Variants in OTOG observed in about 807,000 individuals in gnomAD.
OTOG encodes otogelin.
In OTOG, 296 loss-of-function variants were observed where a neutral mutation model predicts 313.8. The observed-to-expected ratio is 0.94, with a 90% CI of 0.86 to 1.04. The LOEUF (loss-of-function observed/expected upper bound fraction) is 1.04, where lower values mean the gene tolerates loss of function less well. OTOG is among the 50% of genes least tolerant of loss of function. The probability of loss-of-function intolerance (pLI) is 0.00; values close to 1 mark genes in which losing one functional copy is unlikely to be tolerated. For missense variants in OTOG, 3,948 were observed against 3,840.1 expected, an observed-to-expected ratio of 1.03 and a Z score of -0.74; for synonymous variants, 1,533 against 1,554.9, an observed-to-expected ratio of 0.99 and a Z score of 0.33.
Position 17,573,213 on chromosome 11 carries a change from C to T in OTOG, c.2216C>T (p.Ala739Val). The part of the protein sequence containing the change: ...ACRCGQPCLC[A>V]TLAHYAHLCR... ...CGCTGCGGGCAGCCCTGCCTGTGCG[C>T]CACACTGGCCCACTACGCCCACCTG... Residue 739 changes from alanine (A) to valine (V), a missense_variant, in exon 19 of 56, where the codon GCC (alanine) becomes GTC (valine). Transcript: ENST00000399397. The T allele has an allele frequency of 6.5e-7, 1 of 1,537,184 alleles. No individual in the cohort carries two copies. The highest frequency in any genetic ancestry group is 8.7e-7 in the Non-Finnish European group (1 of 1,146,442).
chr11:17,635,235 C>T (rs908143476), intron 46 of OTOG, 48 bp downstream of exon 46: 52 of 1,448,044 alleles, frequency 3.6e-5, no homozygotes, highest in South Asian at 2.0e-4. Flanking sequence ...GATCACAGTC[C>T]GCCGGCCTCA....
chr11:17,554,125 G>A (rs1394163925), intron 6 of OTOG, among the ~76,000 whole-genome samples: 9 of 152,122 alleles, frequency 5.9e-5, no homozygotes, highest in Non-Finnish European at 8.8e-5. Flanking sequence ...AGAGACTAGG[G>A]CCTCAGAGAA....
chr11:17,645,467 C>T, intron 54 of OTOG, 97 bp from the exon 55 acceptor site: 1 of 1,140,326 alleles, frequency 8.8e-7, no homozygotes, highest in Non-Finnish European at 1.3e-6. Flanking sequence ...GAAGAGAGAC[C>T]CTCCAGCATG....
chr11:17,624,614 T>G (rs1344147471), intron 39 of OTOG, among the ~76,000 whole-genome samples: 2 of 152,224 alleles, frequency 1.3e-5, no homozygotes, highest in Non-Finnish European at 2.9e-5. Flanking sequence ...TCTTTTTGCT[T>G]AGGATTGCCT....
chr11:17,614,251 A>C (rs1458114417), intron 39 of OTOG, among the ~76,000 whole-genome samples: 1 of 151,558 alleles, frequency 6.6e-6, no homozygotes, highest in Non-Finnish European at 1.5e-5. Context: ...CAAAGTTGTG[A>C]GTCTGCCCCC....
intron 28 of OTOG, among the ~76,000 whole-genome samples, chr11:17,594,808 T>A (rs902776251): frequency 1.3e-5 from 2 of 151,480 alleles, no homozygotes; most frequent in African/African-American, 2.4e-5. Flanking sequence ...CTTGAGTAAG[T>A]CCCATTCCTC....
At chr11:17,613,782 G>T in intron 39 of OTOG, 81 bp downstream of exon 39, 1 of 1,200,430 alleles carries the variant, frequency 8.3e-7, no homozygotes, top group Non-Finnish European at 1.2e-6. Flanking sequence ...GAGGGGCTGT[G>T]AGGCTGAATC....
chr11:17,613,195 T>TTTCTTTCTTTCTTTCTTTCCTTTC (rs1401646180), intron 38 of OTOG, among the ~76,000 whole-genome samples: 1 of 65,328 alleles, frequency 1.5e-5, no homozygotes, highest in Non-Finnish European at 2.9e-5. Context: ...TCTTTCTTTC[T>TTTCTTTCTTTCTTTCTTTCCTTTC]TTTCTTTCTT....
intron 17 of OTOG, among the ~76,000 whole-genome samples, chr11:17,571,288 A>G (rs1038965200): frequency 2.6e-5 from 4 of 152,220 alleles, no homozygotes; most frequent in Admixed American, 1.3e-4. Flanking sequence ...GCTGTTTGCC[A>G]CTTTCCTAAA....
chr11:17,637,548 G>A (rs1252376917), intron 47 of OTOG, among the ~76,000 whole-genome samples: 1 of 152,090 alleles, frequency 6.6e-6, no homozygotes, highest in Non-Finnish European at 1.5e-5. Flanking sequence ...TTCCATCTAA[G>A]GATTGATGGG....
chr11:17,572,330 A>G, intron 18 of OTOG, 126 bp downstream of exon 18: 1 of 1,323,558 alleles, frequency 7.6e-7, no homozygotes, highest in South Asian at 1.5e-5. Flanking sequence ...TAAGAGAAGG[A>G]GGAGCAGCAG....
chr11:17,635,659 G>T lies in OTOG; in HGVS notation c.7743G>T (p.Ala2581=), dbSNP rs373251303. ...DSIPECQEGE[A]LTVHRNTTEL... is the part of the protein sequence containing the mutation. ...TCCCCGAATGTCAAGAAGGGGAGGC[G>T]CTCACTGTGCACAGGAATACCACGG... The change falls in exon 47 of 56, where the codon GCG becomes GCT. Residue 2581 remains alanine, a synonymous_variant. Transcript: ENST00000399397. The T allele has an allele frequency of 9.0e-6, 14 of 1,550,404 alleles. No individual in the cohort carries two copies. The East Asian group carries it at 3.2e-4, about 35-fold the overall frequency.
chr11:17,632,315 T>G, intron 42 of OTOG, 89 bp downstream of exon 42: 1 of 1,360,786 alleles, frequency 7.3e-7, no homozygotes, highest in Non-Finnish European at 9.8e-7. Context: ...CCCAAGTTCA[T>G]GTATGCTTTC....
At chr11:17,641,805 A>T in intron 51 of OTOG, 42 bp from the exon 52 acceptor site, 1 of 1,379,170 alleles carries the variant, frequency 7.3e-7, no homozygotes, top group Non-Finnish European at 1.0e-6. Context: ...GCCAGGGTGG[A>T]GGTGGGCATC....
At position 17,565,785 on chromosome 11, in the gene OTOG, C is replaced by A. The variant is rs567946467; in HGVS notation, c.1645-3371C>A. 1.4e-4 allele frequency among the ~76,000 whole-genome samples: 21 copies of A among 152,252 alleles called. No homozygotes were observed. The South Asian group carries it at 4.4e-3, about 32-fold the overall frequency. ...GATCATACAGTTGACTCCTGTGTCC[C>A]TTTGACATACCTTCATTATTGCGTG... On this transcript the variant is annotated intron_variant, in intron 15 of 55. Coordinates refer to ENST00000399397, the MANE Select transcript of OTOG (RefSeq NM_001292063.2).
At chr11:17,547,827 T>C (rs1851842105) in intron 1 of OTOG, 100 bp from the exon 2 acceptor site, 2 of 444,420 alleles carry the variant, frequency 4.5e-6, no homozygotes, top group Non-Finnish European at 7.9e-6. Context: ...GGGGGAATGC[T>C]CAGTGGCGTG....
chr11:17,560,804 G>A lies in OTOG; in HGVS notation c.1438G>A (p.Asp480Asn). 3.2e-6 allele frequency: 5 copies of A among 1,550,506 alleles called. No individual in the cohort carries two copies. Among genetic ancestry groups the A allele is most frequent in the Non-Finnish European group, 2.6e-6 (3 of 1,146,676 alleles). ...LYPPGSVVKE[D>N]CNTCTCTSGK... is the part of the protein sequence containing the mutation. The stretch of plus-strand genomic sequence containing the variant: ...CCCACCTGGCTCTGTGGTGAAGGAA[G>A]ACTGCAATACTTGGTCTGTGTCTGC... Residue 480 changes from aspartate (D) to asparagine (N), a missense_variant, in exon 13 of 56, where the codon GAC becomes AAC. Coordinates refer to ENST00000399397, the MANE Select transcript of OTOG (RefSeq NM_001292063.2).
chr11:17,586,065 G>C (rs909289331), intron 23 of OTOG, among the ~76,000 whole-genome samples: 2 of 152,178 alleles, frequency 1.3e-5, no homozygotes, highest in Non-Finnish European at 1.5e-5. Flanking sequence ...CAGACTAGAA[G>C]ACAGCAGCAC....
chr11:17,589,618 G>A (rs182459278), intron 24 of OTOG, among the ~76,000 whole-genome samples: 3 of 152,068 alleles, frequency 2.0e-5, no homozygotes, highest in East Asian at 1.9e-4. Flanking sequence ...AAAATATATC[G>A]TTTGAAAAAC....
Sources: allele counts gnomAD v4.1 joint callset (sites outside exome capture counted in the v4.1 genomes callset), GRCh38; gene constraint gnomAD v4.1.1; transcripts MANE v1.5; gene names NCBI Gene and HGNC (gene_info 2026-07-23, HGNC 2026-07-21).